Variants in TOX observed in about 807,000 individuals in gnomAD.
TOX encodes the protein thymocyte selection-associated high mobility group box protein TOX.
TOX carries 11 observed loss-of-function variants against 53.7 expected under a neutral mutation model. That is an observed-to-expected ratio of 0.20 (90% CI 0.13 to 0.34). The LOEUF (loss-of-function observed/expected upper bound fraction) is 0.34, where lower values mean the gene tolerates loss of function less well. Among genes scored for constraint, TOX ranks in the 10% least tolerant of loss-of-function variants. TOX has a pLI of 1.00. For synonymous variants in TOX, 225 were observed against 245.3 expected (o/e 0.92, Z 0.77); for missense variants, 570 against 664.6 (o/e 0.86, Z 1.56).
intron 3 of TOX, among the ~76,000 whole-genome samples, chr8:58,920,994 C>G (rs1401614524): frequency 2.0e-5 from 3 of 152,140 alleles, no homozygotes; most frequent in Non-Finnish European, 2.9e-5. Context: ...GGATAGGTGA[C>G]AGACAGGCTG....
chr8:59,040,339 AAAAAAAAAAAAG>A (rs1803555299), intron 1 of TOX, among the ~76,000 whole-genome samples: 1 of 151,098 alleles, frequency 6.6e-6, no homozygotes, highest in East Asian at 1.9e-4. Context: ...AAAAAAAAAA[AAAAAAAAAAAAG>A]AAGCATCAAT....
At chr8:58,911,698 C>CTTTTCTTTTT (rs1055354783) in intron 3 of TOX, among the ~76,000 whole-genome samples, 1 of 152,044 alleles carries the variant, frequency 6.6e-6, no homozygotes, top group East Asian at 1.9e-4. Context: ...AAGTTCAAAA[C>CTTTTCTTTTT]TTTTCTTTTT....
chr8:58,867,517 C>T (rs1279285359), intron 3 of TOX, among the ~76,000 whole-genome samples: 1 of 152,210 alleles, frequency 6.6e-6, no homozygotes, highest in African/African-American at 2.4e-5. Flanking sequence ...GCCTATTAAA[C>T]GTAGATCCAT....
chr8:59,022,882 G>A (rs1814162371), intron 1 of TOX, among the ~76,000 whole-genome samples: 1 of 152,092 alleles, frequency 6.6e-6, no homozygotes, highest in Non-Finnish European at 1.5e-5. Context: ...AAGGATGACA[G>A]CAAAACCCAG....
chr8:59,061,123 G>T (rs537697264), intron 1 of TOX, among the ~76,000 whole-genome samples: 1 of 152,276 alleles, frequency 6.6e-6, no homozygotes, highest in East Asian at 1.9e-4. Flanking sequence ...ATGATAGATT[G>T]TAAATAATGT....
At chr8:58,879,786 T>C (rs1226365342) in intron 3 of TOX, among the ~76,000 whole-genome samples, 1 of 152,184 alleles carries the variant, frequency 6.6e-6, no homozygotes, top group Non-Finnish European at 1.5e-5. Flanking sequence ...AACAAGGCTC[T>C]ACTGGATGGA....
intron 1 of TOX, among the ~76,000 whole-genome samples, chr8:58,961,862 T>A (rs1454229738): frequency 6.6e-6 from 1 of 152,198 alleles, no homozygotes. Flanking sequence ...AATCTGCCTG[T>A]TACTCCTAAC....
At chr8:59,085,392 T>C (rs1804489128) in intron 1 of TOX, among the ~76,000 whole-genome samples, 1 of 129,494 alleles carries the variant, frequency 7.7e-6, no homozygotes, top group African/African-American at 4.4e-5. Flanking sequence ...TTTTCCTTTT[T>C]TATTTTTTCT....
At chr8:59,104,807 T>C (rs2129424602) in intron 1 of TOX, among the ~76,000 whole-genome samples, 1 of 152,326 alleles carries the variant, frequency 6.6e-6, no homozygotes, top group East Asian at 1.9e-4. Context: ...CCAATTGAAA[T>C]GCCATCTCCT....
At chr8:59,068,103 C>T (rs1804127062) in intron 1 of TOX, among the ~76,000 whole-genome samples, 1 of 152,128 alleles carries the variant, frequency 6.6e-6, no homozygotes, top group Non-Finnish European at 1.5e-5. Context: ...TATTATTATG[C>T]TTATCATGAA....
At chr8:58,884,193 A>G (rs1811431495) in intron 3 of TOX, among the ~76,000 whole-genome samples, 1 of 152,208 alleles carries the variant, frequency 6.6e-6, no homozygotes, top group Admixed American at 6.5e-5. Flanking sequence ...AATTAGGTAG[A>G]TTTTTAAACA....
At chr8:58,970,519 G>A (rs2129179590) in intron 1 of TOX, among the ~76,000 whole-genome samples, 1 of 152,276 alleles carries the variant, frequency 6.6e-6, no homozygotes, top group East Asian at 1.9e-4. Context: ...AAGTCTCCCA[G>A]CCAAGGAAAA....
chr8:58,914,690 G>C (rs1052366373), intron 3 of TOX, among the ~76,000 whole-genome samples: 1 of 152,140 alleles, frequency 6.6e-6, no homozygotes, highest in African/African-American at 2.4e-5. Context: ...AAGAATCTCT[G>C]GGGAGGAGCC....
In TOX at chr8:58,851,806, C is replaced by A; in HGVS notation, c.412-1G>T. On this transcript the variant is annotated splice_acceptor_variant, in intron 3 of 8. Coordinates refer to ENST00000361421, the MANE Select transcript of TOX (RefSeq NM_014729.3). LOFTEE classifies it high-confidence loss of function. The surrounding 1 kb of genome is among the most constrained non-coding windows in gnomAD (Gnocchi z 4.4). The stretch of plus-strand genomic sequence containing the variant: ...CTTCTGGGTTTCGTATATCTGGCAT[C>A]TACAATAAATAAATAAATAAATAAA... 1 of 1,436,342 alleles carries A rather than the reference C, an allele frequency of 7.0e-7. No individual in the cohort carries two copies. The highest frequency in any genetic ancestry group is 2.4e-5 in the East Asian group (1 of 41,960). 89.0% of individuals were successfully genotyped at this position (1,436,342 alleles called of 1,614,324 possible).
chr8:58,991,223 C>T (rs1360152318), intron 1 of TOX, among the ~76,000 whole-genome samples: 1 of 152,138 alleles, frequency 6.6e-6, no homozygotes, highest in Non-Finnish European at 1.5e-5. Flanking sequence ...AAAAATAGCT[C>T]CTAACTGTGC....
At chr8:58,876,001 T>C (rs1165410894) in intron 3 of TOX, among the ~76,000 whole-genome samples, 2 of 152,204 alleles carry the variant, frequency 1.3e-5, no homozygotes, top group African/African-American at 2.4e-5. Flanking sequence ...CCTAGATTAC[T>C]TTTCTTTGTA....
chr8:59,034,237 T>G (rs1391582100), intron 1 of TOX, among the ~76,000 whole-genome samples: 1 of 152,228 alleles, frequency 6.6e-6, no homozygotes, highest in African/African-American at 2.4e-5. Flanking sequence ...CAAACGATCA[T>G]TAATAAGTTA....
intron 3 of TOX, among the ~76,000 whole-genome samples, chr8:58,934,576 T>C (rs911612089): frequency 1.3e-5 from 2 of 152,196 alleles, no homozygotes; most frequent in Non-Finnish European, 2.9e-5. Context: ...TGACGCACTC[T>C]GGCCCAAAGA....
intron 1 of TOX, among the ~76,000 whole-genome samples, chr8:59,068,320 T>TAA (rs1465500589): frequency 6.6e-6 from 1 of 151,802 alleles, no homozygotes; most frequent in Non-Finnish European, 1.5e-5. Context: ...GAGTTAAATA[T>TAA]AATATAGTCT....
Sources: gnomAD v4.1 joint callset for allele counts (sites outside exome capture counted in the v4.1 genomes callset) on GRCh38, gnomAD v4.1.1 for gene constraint, Gnocchi (gnomAD v3.1) non-coding constraint, MANE v1.5 for transcripts, NCBI Gene and HGNC (gene_info 2026-07-23, HGNC 2026-07-21) for gene names.